The following NSD3 variants were observed in gnomAD, a reference collection of about 807,000 sequenced individuals.
NSD3 encodes histone-lysine N-methyltransferase NSD3.
In NSD3, 24 loss-of-function variants were observed where a neutral mutation model predicts 160.8. The observed-to-expected ratio is 0.15, with a 90% CI of 0.11 to 0.21. The LOEUF is 0.21. Ranked by LOEUF, NSD3 falls within the 10% of genes least tolerant of loss-of-function variation. The probability of loss-of-function intolerance (pLI) is 1.00; values close to 1 mark genes in which losing one functional copy is unlikely to be tolerated. For missense variants in NSD3, 1,157 were observed against 1,735.9 expected, an observed-to-expected ratio of 0.67 and a Z score of 5.93; for synonymous variants, 520 against 600.0, an observed-to-expected ratio of 0.87 and a Z score of 1.95.
At chr8:38,290,054 A>C (rs1175456116) in intron 17 of NSD3, among the ~76,000 whole-genome samples, 1 of 152,052 alleles carries the variant, frequency 6.6e-6, no homozygotes, top group Admixed American at 6.5e-5. Flanking sequence ...TATCTCTATA[A>C]AAAGTACAAA....
intron 2 of NSD3, among the ~76,000 whole-genome samples, chr8:38,346,937 C>T (rs1437008274): frequency 6.6e-6 from 1 of 152,096 alleles, no homozygotes; most frequent in African/African-American, 2.4e-5. Flanking sequence ...CAAATTCACG[C>T]TGAAATCTCA....
At chr8:38,276,948 T>A (rs992314441) in intron 22 of NSD3, among the ~76,000 whole-genome samples, 1 of 152,008 alleles carries the variant, frequency 6.6e-6, no homozygotes, top group Non-Finnish European at 1.5e-5. Context: ...CAGCCTTTCA[T>A]TGACTTTTTT....
intron 4 of NSD3, among the ~76,000 whole-genome samples, chr8:38,335,765 G>A (rs1810201783): frequency 6.6e-6 from 1 of 152,176 alleles, no homozygotes. Context: ...TAGGAGGAGA[G>A]GTTATGAAAT....
At chr8:38,304,875 C>T in intron 13 of NSD3, 118 bp from the exon 14 acceptor site, 1 of 1,089,930 alleles carries the variant, frequency 9.2e-7, no homozygotes, top group Non-Finnish European at 1.3e-6. Flanking sequence ...AGATGGAAAG[C>T]ATTTTTTTCT....
intron 4 of NSD3, among the ~76,000 whole-genome samples, chr8:38,335,788 G>A (rs2150378115): frequency 6.6e-6 from 1 of 152,322 alleles, no homozygotes; most frequent in South Asian, 2.1e-4. Flanking sequence ...AGATTTCTTT[G>A]AGATTCTGTT....
chr8:38,335,065 C>G (rs1810182435), intron 4 of NSD3, among the ~76,000 whole-genome samples: 1 of 147,888 alleles, frequency 6.8e-6, no homozygotes, highest in Non-Finnish European at 1.5e-5. Context: ...CTCACTGCAA[C>G]CGCAACCTCC....
At chr8:38,324,962 C>T (rs1563355028) in intron 7 of NSD3, among the ~76,000 whole-genome samples, 1 of 152,220 alleles carries the variant, frequency 6.6e-6, no homozygotes. Flanking sequence ...ATACCTTGCC[C>T]TGTGCATCTC....
intron 16 of NSD3, among the ~76,000 whole-genome samples, chr8:38,295,298 A>C (rs1030559802): frequency 6.6e-6 from 1 of 152,076 alleles, no homozygotes; most frequent in Non-Finnish European, 1.5e-5. Flanking sequence ...ATGGTGGCTC[A>C]TGCTTATAAT....
intron 1 of NSD3, among the ~76,000 whole-genome samples, chr8:38,356,406 G>GA (rs1441657416): frequency 6.6e-6 from 1 of 151,902 alleles, no homozygotes; most frequent in Non-Finnish European, 1.5e-5. Context: ...ATACAGAGTT[G>GA]AAAAAAACAA....
At chr8:38,291,969 C>A (rs987245384) in intron 16 of NSD3, among the ~76,000 whole-genome samples, 1 of 152,208 alleles carries the variant, frequency 6.6e-6, no homozygotes, top group African/African-American at 2.4e-5. Flanking sequence ...GATATAAGAT[C>A]TCACTGGACT....
In NSD3 at chr8:38,309,154, AAAAAC is replaced by A. The variant is rs1352071115; in HGVS notation, c.2243-3714_2243-3710del. The stretch of plus-strand genomic sequence containing the variant: ...TAAACCTGTCTCTCTACTAAAAAAA[AAAAAC>A]AAAACAAAACCAAAAAACTAGCTGG... On this transcript the variant is annotated intron_variant, in intron 12 of 23. Transcript: ENST00000317025. 1.2e-4 allele frequency among the ~76,000 whole-genome samples: 18 copies of A among 151,868 alleles called. No individual in the cohort carries two copies. In the East Asian group the frequency reaches 3.1e-3, roughly 26 times the overall value.
At chr8:38,367,564 T>A (rs899067658) in intron 1 of NSD3, among the ~76,000 whole-genome samples, 2 of 151,730 alleles carry the variant, frequency 1.3e-5, no homozygotes, top group African/African-American at 4.8e-5. Flanking sequence ...ATACAAAAAT[T>A]AGTTGGGTGT....
At position 38,337,190 on chromosome 8, in the gene NSD3, C is replaced by G. The variant is rs1364824180; in HGVS notation, c.910+115G>C. ...AATCCACAAAACTGATACGGATATG[C>G]ACATTTTTGTATCAGATTATATATT... is the stretch of plus-strand genomic sequence containing the variant. On this transcript the variant is annotated intron_variant, in intron 4 of 23. Coordinates refer to ENST00000317025, the MANE Select transcript of NSD3 (RefSeq NM_023034.2). 11 of 963,118 alleles carry G rather than the reference C, an allele frequency of 1.1e-5. No homozygotes were observed. In the East Asian group the frequency reaches 3.3e-4, roughly 28 times the overall value. 59.7% of individuals were successfully genotyped at this position (963,118 alleles called of 1,614,324 possible).
intron 15 of NSD3, among the ~76,000 whole-genome samples, chr8:38,296,389 T>C (rs1809144210): frequency 6.6e-6 from 1 of 152,102 alleles, no homozygotes; most frequent in Non-Finnish European, 1.5e-5. Context: ...TCCAGTGCCA[T>C]GGTTAACTAA....
At position 38,272,506 on chromosome 8, in the gene NSD3, C is replaced by T. The variant is rs988161837; in HGVS notation, c.*3135G>A. On this transcript the variant is annotated 3_prime_UTR_variant, in exon 24 of 24. Transcript: ENST00000317025. ...CAGGCAGCTCTTCTGATTCTTCCCT[C>T]GCAGCAGTGGCGGTCCAGCCCCTCC... is the stretch of plus-strand genomic sequence containing the variant. The T allele has an allele frequency of 6.6e-6, 1 of 152,318 alleles. No individual in the cohort carries two copies. The highest frequency in any genetic ancestry group is 1.9e-4 in the East Asian group (1 of 5,200). 9.4% of individuals were successfully genotyped at this position (152,318 alleles called of 1,614,324 possible).
chr8:38,318,823 T>G lies in NSD3; in HGVS notation c.1855+72A>C. On this transcript the variant is annotated intron_variant, in intron 9 of 23. Coordinates refer to ENST00000317025, the MANE Select transcript of NSD3 (RefSeq NM_023034.2). This position sits in a 1 kb window ranked among gnomAD's most constrained non-coding sequence, Gnocchi z 5.3. ...ATTTACAGAGACAGACAAAAATACA[T>G]GAAGTACAAATAATTCTTAAAAATT... 1 of 1,413,928 alleles carries G rather than the reference T, an allele frequency of 7.1e-7. No individual in the cohort carries two copies. Among genetic ancestry groups the G allele is most frequent in the Non-Finnish European group, 9.9e-7 (1 of 1,008,466 alleles). The allele number at this position is 1,413,928 out of a possible 1,614,324, so 87.6% of individuals were successfully genotyped here.
chr8:38,375,504 A>G (rs1811367071), intron 1 of NSD3, among the ~76,000 whole-genome samples: 1 of 152,212 alleles, frequency 6.6e-6, no homozygotes, highest in African/African-American at 2.4e-5. Flanking sequence ...GTGCAGGTAC[A>G]ACATACTACA....
At chr8:38,277,483 G>A (rs1808629420) in intron 22 of NSD3, among the ~76,000 whole-genome samples, 1 of 151,554 alleles carries the variant, frequency 6.6e-6, no homozygotes, top group Admixed American at 6.6e-5. Context: ...TCACCATGTT[G>A]GTCAGGCTGG....
intron 1 of NSD3, among the ~76,000 whole-genome samples, chr8:38,366,980 A>T (rs993934249): frequency 5.3e-5 from 8 of 152,174 alleles, no homozygotes; most frequent in African/African-American, 1.7e-4. Context: ...TAACAAAAAC[A>T]TCCTTTAAAA....
Sources: allele counts gnomAD v4.1 joint callset (sites outside exome capture counted in the v4.1 genomes callset), GRCh38; gene constraint gnomAD v4.1.1; non-coding constraint Gnocchi (gnomAD v3.1); transcripts MANE v1.5; gene names NCBI Gene and HGNC (gene_info 2026-07-23, HGNC 2026-07-21).